Variants in KAZN observed in about 807,000 individuals in gnomAD.
KAZN encodes the protein kazrin.
KAZN carries 40 observed loss-of-function variants against 87.4 expected under a neutral mutation model. The observed-to-expected ratio is 0.46, with a 90% confidence interval of 0.36 to 0.60. KAZN has a LOEUF of 0.60. Ranked by LOEUF, KAZN falls within the 20% of genes least tolerant of loss-of-function variation. KAZN has a pLI of 0.00. For synonymous variants in KAZN, 466 were observed against 458.3 expected, an observed-to-expected ratio of 1.02 and a Z score of -0.22; for missense variants, 898 against 1,073.9, an observed-to-expected ratio of 0.84 and a Z score of 2.29.
chr1:14,472,204 T>C (rs1668493566), intron 2 of KAZN, among the ~76,000 whole-genome samples: 2 of 152,160 alleles, frequency 1.3e-5, no homozygotes, highest in African/African-American at 4.8e-5. Context: ...CCACCTGTAC[T>C]ACGGACACAT....
intron 1 of KAZN, among the ~76,000 whole-genome samples, chr1:14,837,614 G>A (rs946528510): frequency 2.0e-5 from 3 of 147,256 alleles, no homozygotes; most frequent in African/African-American, 5.0e-5. Flanking sequence ...GTGCAATAGC[G>A]CAATCATAGC....
At chr1:13,893,864 T>G in intron 1 of KAZN, 1 of 1,289,884 alleles carries the variant, frequency 7.8e-7, no homozygotes. Context: ...TCAGTCTACC[T>G]CATCTCTTTC....
chr1:14,439,148 A>G (rs941540792), intron 2 of KAZN, among the ~76,000 whole-genome samples: 1 of 152,190 alleles, frequency 6.6e-6, no homozygotes, highest in Non-Finnish European at 1.5e-5. Flanking sequence ...CTCCACACCC[A>G]AAACCTGCCC....
At chr1:14,093,073 C>G (rs997719973) in intron 1 of KAZN, among the ~76,000 whole-genome samples, 99 of 152,262 alleles carry the variant, frequency 6.5e-4, no homozygotes, top group African/African-American at 2.4e-3. Flanking sequence ...CCATGCTGTG[C>G]CAGATACACG....
At chr1:14,944,901 G>T (rs956901186) in intron 1 of KAZN, among the ~76,000 whole-genome samples, 1 of 152,192 alleles carries the variant, frequency 6.6e-6, no homozygotes, top group East Asian at 1.9e-4. Flanking sequence ...CCTCTTGCCC[G>T]CCTGCCAGCT....
chr1:15,089,377 C>T (rs2100661266), intron 8 of KAZN, among the ~76,000 whole-genome samples: 1 of 151,874 alleles, frequency 6.6e-6, no homozygotes, highest in African/African-American at 2.4e-5. Context: ...AGGCAAGAGT[C>T]CAGCAGGGAC....
chr1:14,410,258 G>A (rs944919787), intron 2 of KAZN, among the ~76,000 whole-genome samples: 2 of 152,082 alleles, frequency 1.3e-5, no homozygotes, highest in South Asian at 2.1e-4. Context: ...CACATGCCAC[G>A]ATGCCCAGCT....
At chr1:14,012,323 G>A (rs149720942) in intron 1 of KAZN, among the ~76,000 whole-genome samples, 505 of 152,334 alleles carry the variant, frequency 3.3e-3, no homozygotes, top group Non-Finnish European at 5.4e-3. Context: ...AGCCATTGCA[G>A]TCATGGTGAT....
intron 1 of KAZN, among the ~76,000 whole-genome samples, chr1:14,681,635 A>ATTTTTTTTTTTTTTTT (rs1640615597): frequency 4.8e-5 from 2 of 41,438 alleles, no homozygotes; most frequent in Non-Finnish European, 7.8e-5. Flanking sequence ...ATATATATAT[A>ATTTTTTTTTTTTTTTT]TATATATATA....
chr1:14,631,427 G>A (rs560580900), intron 1 of KAZN, among the ~76,000 whole-genome samples: 7 of 152,328 alleles, frequency 4.6e-5, no homozygotes, highest in African/African-American at 1.7e-4. Flanking sequence ...AATCCTATCT[G>A]ATTCATGACA....
chr1:14,159,022 G>T (rs1402710905), intron 1 of KAZN, among the ~76,000 whole-genome samples: 1 of 151,984 alleles, frequency 6.6e-6, no homozygotes, highest in African/African-American at 2.4e-5. Flanking sequence ...TACTCCTGTG[G>T]CCACCACCAC....
chr1:13,908,740 G>A (rs1639538241), intron 1 of KAZN, among the ~76,000 whole-genome samples: 1 of 152,114 alleles, frequency 6.6e-6, no homozygotes, highest in African/African-American at 2.4e-5. Context: ...CCCTTTCAAG[G>A]GTCATAAACT....
intron 1 of KAZN, among the ~76,000 whole-genome samples, chr1:14,888,322 G>A (rs1165179906): frequency 6.6e-6 from 1 of 152,168 alleles, no homozygotes; most frequent in Non-Finnish European, 1.5e-5. Context: ...CCCAAGGCTG[G>A]GGTGTCCCCA....
At chr1:15,061,150 TG>T (rs1226234631) in intron 6 of KAZN, 1 of 152,224 alleles carries the variant, frequency 6.6e-6, no homozygotes, top group Non-Finnish European at 1.5e-5. Flanking sequence ...GTGAACACAT[TG>T]GACAAAACCA....
chr1:14,001,199 C>T (rs1211826297), intron 1 of KAZN, among the ~76,000 whole-genome samples: 9 of 152,062 alleles, frequency 5.9e-5, no homozygotes, highest in Middle Eastern at 3.2e-3. Flanking sequence ...ACAAGCATTC[C>T]TTTACACCAA....
rs148840299 is a variant in KAZN at position 14,808,322 on chromosome 1, G to A, written c.227-152362G>A. Among the ~76,000 whole-genome samples the A allele has an allele frequency of 8.6e-3, 1,112 of 128,712 alleles. 7 individuals are homozygous for A. Among genetic ancestry groups the A allele is most frequent in the Non-Finnish European group, 0.012 (733 of 63,634 alleles). 84.4% of individuals were successfully genotyped at this position (128,712 alleles called of 152,430 possible). ...TTTTTTTTTTTTTTTTTGAGATGGCGTCTCACTCTGTCACCCCAGGCTGGA... is the reference window on the plus strand; with the variant it reads ...TTTTTTTTTTTTTTTTTGAGATGGCATCTCACTCTGTCACCCCAGGCTGGA... On this transcript the variant is annotated intron_variant, in intron 1 of 14. Transcript: ENST00000376030.
chr1:14,613,204 G>T (rs1018512654), intron 1 of KAZN, among the ~76,000 whole-genome samples: 1 of 152,170 alleles, frequency 6.6e-6, no homozygotes, highest in Admixed American at 6.5e-5. Context: ...AAATCATCCA[G>T]ATATCTTCAC....
At chr1:14,930,470 A>G (rs767087869) in intron 1 of KAZN, among the ~76,000 whole-genome samples, 9 of 152,184 alleles carry the variant, frequency 5.9e-5, no homozygotes, top group Non-Finnish European at 1.3e-4. Flanking sequence ...CTATGTGCCC[A>G]GGCTGGGAAG....
intron 1 of KAZN, among the ~76,000 whole-genome samples, chr1:14,142,108 C>CTTTTT (rs35138469): frequency 7.8e-6 from 1 of 128,968 alleles, no homozygotes; most frequent in African/African-American, 2.9e-5. Flanking sequence ...CCCTCCTTCC[C>CTTTTT]TTTTTTTTTT....
Sources: gnomAD v4.1 joint callset for allele counts (sites outside exome capture counted in the v4.1 genomes callset) on GRCh38, gnomAD v4.1.1 for gene constraint, MANE v1.5 for transcripts, NCBI Gene and HGNC (gene_info 2026-07-23, HGNC 2026-07-21) for gene names.